Variants in NDST3 observed in about 807,000 individuals in gnomAD.
NDST3 encodes bifunctional heparan sulfate N-deacetylase/N-sulfotransferase 3.
In NDST3, 58 loss-of-function variants were observed where a neutral mutation model predicts 96.1. The ratio of observed to expected loss-of-function variants is 0.60; its 90% CI spans 0.49 to 0.75. The LOEUF (loss-of-function observed/expected upper bound fraction) is 0.75. NDST3 is among the 30% of genes least tolerant of loss of function. NDST3 has a pLI of 0.00. For synonymous variants in NDST3, 333 were observed against 359.7 expected (o/e 0.93, Z 0.84); for missense variants, 788 against 1,034.2 (o/e 0.76, Z 3.27).
chr4:118,135,985 A>G (rs1229179071), intron 4 of NDST3, among the ~76,000 whole-genome samples: 2 of 152,228 alleles, frequency 1.3e-5, no homozygotes, highest in African/African-American at 2.4e-5. Context: ...TAAATCCAAA[A>G]TAAGGGAAAT....
At chr4:118,059,580 G>A (rs1292043504) in intron 2 of NDST3, among the ~76,000 whole-genome samples, 1 of 152,060 alleles carries the variant, frequency 6.6e-6, no homozygotes, top group African/African-American at 2.4e-5. Flanking sequence ...CTGACTGTGG[G>A]AAGCTCTAAT....
chr4:118,231,319 G>C (rs1740274853), intron 8 of NDST3, among the ~76,000 whole-genome samples: 1 of 144,950 alleles, frequency 6.9e-6, no homozygotes, highest in Admixed American at 7.4e-5. Flanking sequence ...CTGGGCAACA[G>C]AGCAAGACTC....
intron 8 of NDST3, among the ~76,000 whole-genome samples, chr4:118,232,379 C>T (rs1252671463): frequency 1.3e-5 from 2 of 151,910 alleles, no homozygotes; most frequent in Admixed American, 6.6e-5. Context: ...CCTGTAATCC[C>T]AGCACTTTAG....
At chr4:118,074,194 T>C (rs1401831078) in intron 2 of NDST3, among the ~76,000 whole-genome samples, 1 of 152,190 alleles carries the variant, frequency 6.6e-6, no homozygotes, top group Non-Finnish European at 1.5e-5. Context: ...TTATGGCCAA[T>C]TGCATGGTTG....
intron 4 of NDST3, among the ~76,000 whole-genome samples, chr4:118,137,346 T>C (rs1235108795): frequency 6.6e-6 from 1 of 151,736 alleles, no homozygotes; most frequent in African/African-American, 2.4e-5. Flanking sequence ...TTTTCCTCTA[T>C]GCCTTTTTTT....
chr4:118,107,531 G>T (rs769877384), intron 3 of NDST3, among the ~76,000 whole-genome samples: 1 of 152,056 alleles, frequency 6.6e-6, no homozygotes, highest in East Asian at 1.9e-4. Flanking sequence ...ACAGTGATTA[G>T]AACATGCTCC....
At chr4:118,251,650 A>G (rs1442313984) in intron 12 of NDST3, among the ~76,000 whole-genome samples, 3 of 152,186 alleles carry the variant, frequency 2.0e-5, no homozygotes, top group African/African-American at 7.2e-5. Flanking sequence ...CCATTGATCC[A>G]TTGGTCCACT....
chr4:118,105,451 C>T (rs552710723), intron 3 of NDST3, among the ~76,000 whole-genome samples: 2 of 152,250 alleles, frequency 1.3e-5, no homozygotes, highest in East Asian at 3.9e-4. Context: ...ACTTCTTGTG[C>T]CCCTCACAAT....
chr4:118,253,367 T>G (rs1560749254), intron 12 of NDST3, 132 bp from the exon 13 acceptor site: 4 of 541,552 alleles, frequency 7.4e-6, no homozygotes, highest in Non-Finnish European at 1.3e-5. Context: ...TCAGTTTCTC[T>G]GGTTATAGAT....
intron 8 of NDST3, among the ~76,000 whole-genome samples, chr4:118,229,535 TAAC>T (rs775889474): frequency 6.6e-5 from 10 of 152,196 alleles, no homozygotes; most frequent in Non-Finnish European, 1.3e-4. Context: ...AACCACAACT[TAAC>T]AATTTTTTAA....
At chr4:118,173,100 T>G (rs1265222965) in intron 6 of NDST3, among the ~76,000 whole-genome samples, 4 of 151,756 alleles carry the variant, frequency 2.6e-5, no homozygotes, top group African/African-American at 9.7e-5. Context: ...AATGACCTTA[T>G]TTAATCCTCA....
intron 6 of NDST3, among the ~76,000 whole-genome samples, chr4:118,184,986 CTTTAA>C (rs534146505): frequency 8.2e-4 from 125 of 152,016 alleles, no homozygotes; most frequent in Non-Finnish European, 1.5e-3. Flanking sequence ...AGACTTTCTA[CTTTAA>C]TTTAAGGATA....
chr4:118,212,132 T>G (rs1214381613), intron 6 of NDST3, among the ~76,000 whole-genome samples: 1 of 152,172 alleles, frequency 6.6e-6, no homozygotes, highest in Non-Finnish European at 1.5e-5. Flanking sequence ...GGGTTCACAA[T>G]GCAAATAAAG....
intron 6 of NDST3, among the ~76,000 whole-genome samples, chr4:118,200,783 CT>C (rs932702737): frequency 1.6e-4 from 24 of 150,762 alleles, no homozygotes; most frequent in African/African-American, 4.9e-4. Context: ...ATTTTCTTTT[CT>C]TTTTTTTTAA....
At position 118,053,949 on chromosome 4, in the gene NDST3, A is replaced by G. The variant is rs758297663; in HGVS notation, c.39A>G (p.Arg13=). ...FIMKLHRHFQ[R]TVILLATFCM... is the part of the protein sequence containing the mutation. Reference sequence around the variant, plus strand: ...TGAAGCTTCACAGACACTTTCAAAGAACAGTCATTCTGCTTGCCACTTTTT... The same window carrying G: ...TGAAGCTTCACAGACACTTTCAAAGGACAGTCATTCTGCTTGCCACTTTTT... The change falls in exon 2 of 14, where the codon AGA becomes AGG. Residue 13 remains arginine, a synonymous_variant. Coordinates refer to ENST00000296499, the MANE Select transcript of NDST3 (RefSeq NM_004784.3). 1.1e-5 allele frequency: 17 copies of G among 1,611,016 alleles called. No homozygotes were observed. The Admixed American group carries it at 2.8e-4, about 27-fold the overall frequency.
At chr4:118,143,723 T>C (rs879137812) in intron 6 of NDST3, 39 bp downstream of exon 6, 1 of 1,547,348 alleles carries the variant, frequency 6.5e-7, no homozygotes, top group South Asian at 1.2e-5. Context: ...TGAAAAATGA[T>C]AGGGCTGGCA....
At chr4:118,254,767 T>A (rs1191882036) in intron 13 of NDST3, among the ~76,000 whole-genome samples, 2 of 152,204 alleles carry the variant, frequency 1.3e-5, no homozygotes, top group Admixed American at 1.3e-4. Flanking sequence ...GATCCTAAGG[T>A]GGGCTAAACT....
At chr4:118,212,309 G>A (rs1277188014) in intron 6 of NDST3, among the ~76,000 whole-genome samples, 1 of 152,174 alleles carries the variant, frequency 6.6e-6, no homozygotes, top group African/African-American at 2.4e-5. Context: ...GGCAAGGTGG[G>A]CAGAGAGCTT....
chr4:118,150,147 A>T (rs1578731096), intron 6 of NDST3, among the ~76,000 whole-genome samples: 1 of 152,090 alleles, frequency 6.6e-6, no homozygotes, highest in East Asian at 1.9e-4. Flanking sequence ...GTGCTGCTGG[A>T]TTTTGTTTGC....
Sources: allele counts gnomAD v4.1 joint callset (sites outside exome capture counted in the v4.1 genomes callset), GRCh38; gene constraint gnomAD v4.1.1; transcripts MANE v1.5; gene names NCBI Gene and HGNC (gene_info 2026-07-23, HGNC 2026-07-21).